The following VAV3 variants were observed in gnomAD, a reference collection of about 807,000 sequenced individuals.
VAV3 encodes the protein guanine nucleotide exchange factor VAV3.
VAV3 carries 94 observed loss-of-function variants against 131.2 expected under a neutral mutation model. That is an observed-to-expected ratio of 0.72 (90% CI 0.61 to 0.85). The LOEUF (loss-of-function observed/expected upper bound fraction) is 0.85, where lower values mean the gene tolerates loss of function less well. Among genes scored for constraint, VAV3 ranks in the 40% least tolerant of loss-of-function variants. The pLI, the probability that VAV3 is intolerant of heterozygous loss-of-function variation, is 0.00. For synonymous variants in VAV3, 349 were observed against 342.0 expected, an observed-to-expected ratio of 1.02 and a Z score of -0.22; for missense variants, 939 against 1,002.7, an observed-to-expected ratio of 0.94 and a Z score of 0.86.
chr1:107,902,448 G>T (rs1671905576), intron 1 of VAV3, among the ~76,000 whole-genome samples: 1 of 152,048 alleles, frequency 6.6e-6, no homozygotes, highest in African/African-American at 2.4e-5. Flanking sequence ...TCACATTCTG[G>T]AAGAATAACG....
Position 107,596,348 on chromosome 1 carries a change from A to T in VAV3, c.2221-7T>A, listed in dbSNP as rs1406630845. Reference sequence around the variant, plus strand: ...TGTAGTACTCCACAAGTTCCTTTGGAAAAAAGAATCCAACATATTTTTGAT... The same window carrying T: ...TGTAGTACTCCACAAGTTCCTTTGGTAAAAAGAATCCAACATATTTTTGAT... On this transcript the variant is annotated splice_region_variant and splice_polypyrimidine_tract_variant and intron_variant, in intron 24 of 26. Transcript: ENST00000370056. The T allele has an allele frequency of 1.9e-6, 3 of 1,610,040 alleles. No homozygotes were observed. The East Asian group carries it at 6.7e-5, about 36-fold the overall frequency.
chr1:107,869,694 G>T (rs1048179302), intron 2 of VAV3, among the ~76,000 whole-genome samples: 1 of 152,112 alleles, frequency 6.6e-6, no homozygotes, highest in African/African-American at 2.4e-5. Context: ...GGTGGTATTT[G>T]GTTACATGAG....
chr1:107,800,515 T>G (rs1442852344), intron 2 of VAV3, among the ~76,000 whole-genome samples: 3 of 152,156 alleles, frequency 2.0e-5, no homozygotes, highest in Admixed American at 6.5e-5. Flanking sequence ...TACTCAGATA[T>G]TCTACCTATT....
chr1:107,774,839 T>C (rs950452170), intron 4 of VAV3, among the ~76,000 whole-genome samples: 1 of 151,904 alleles, frequency 6.6e-6, no homozygotes, highest in African/African-American at 2.4e-5. Context: ...ATAGAAATTG[T>C]AATAAAGCTG....
intron 15 of VAV3, among the ~76,000 whole-genome samples, chr1:107,730,882 G>A (rs1235693488): frequency 6.6e-6 from 1 of 152,096 alleles, no homozygotes; most frequent in African/African-American, 2.4e-5. Context: ...CATGGTATGA[G>A]AGAAAAAGCC....
At chr1:107,949,115 T>C (rs1216962420) in intron 1 of VAV3, among the ~76,000 whole-genome samples, 1 of 152,174 alleles carries the variant, frequency 6.6e-6, no homozygotes, top group Non-Finnish European at 1.5e-5. Context: ...ATTAGAATAG[T>C]GTATTAATTA....
intron 22 of VAV3, among the ~76,000 whole-genome samples, chr1:107,606,456 G>A (rs1652273284): frequency 6.6e-6 from 1 of 151,960 alleles, no homozygotes; most frequent in Admixed American, 6.6e-5. Flanking sequence ...TCTTCAATTT[G>A]GAGCCACATG....
intron 2 of VAV3, among the ~76,000 whole-genome samples, chr1:107,811,690 A>T (rs902909284): frequency 3.3e-5 from 5 of 152,202 alleles, no homozygotes; most frequent in African/African-American, 1.2e-4. Flanking sequence ...TAATAAACAA[A>T]AGTAAACATA....
intron 2 of VAV3, among the ~76,000 whole-genome samples, chr1:107,814,550 A>G (rs1427587737): frequency 1.3e-5 from 2 of 152,190 alleles, no homozygotes; most frequent in Non-Finnish European, 2.9e-5. Context: ...GAATGAATAT[A>G]TATTTTGCAA....
At chr1:107,584,943 G>A (rs1400824375) in intron 25 of VAV3, among the ~76,000 whole-genome samples, 1 of 152,162 alleles carries the variant, frequency 6.6e-6, no homozygotes, top group Non-Finnish European at 1.5e-5. Context: ...ATGTGCCAAA[G>A]ACTGCTAAGA....
chr1:107,656,739 AAAAAT>A (rs1656591867), intron 19 of VAV3, among the ~76,000 whole-genome samples: 1 of 152,096 alleles, frequency 6.6e-6, no homozygotes, highest in Non-Finnish European at 1.5e-5. Flanking sequence ...ATATATCAAT[AAAAAT>A]AAAAATATAA....
chr1:107,720,075 G>A (rs1001786012), intron 15 of VAV3, among the ~76,000 whole-genome samples: 9 of 152,122 alleles, frequency 5.9e-5, no homozygotes, highest in African/African-American at 2.2e-4. Context: ...CGGGGGAATG[G>A]GGCAGGGATA....
rs535568395 is a variant in VAV3 at position 107,949,544 on chromosome 1, C to T, written c.204+15122G>A. Among the ~76,000 whole-genome samples, 33 of 152,230 alleles carry T rather than the reference C, an allele frequency of 2.2e-4. 1 individual carries two copies. In the South Asian group the frequency reaches 6.4e-3, roughly 30 times the overall value. On this transcript the variant is annotated intron_variant, in intron 1 of 26. Coordinates refer to ENST00000370056, the MANE Select transcript of VAV3 (RefSeq NM_006113.5). ...CTGGTCTTCAATTCCTGGGCCCAAA[C>T]AATCCTCCCACCTTAGCCTCCCAAA...
chr1:107,926,259 T>A (rs1571150580), intron 1 of VAV3, among the ~76,000 whole-genome samples: 1 of 151,874 alleles, frequency 6.6e-6, no homozygotes, highest in Non-Finnish European at 1.5e-5. Flanking sequence ...CCAGTCTGGG[T>A]GGCAGAACGA....
intron 1 of VAV3, among the ~76,000 whole-genome samples, chr1:107,930,136 C>A (rs1046253903): frequency 6.6e-6 from 1 of 151,656 alleles, no homozygotes; most frequent in Non-Finnish European, 1.5e-5. Context: ...AACAGGGTGA[C>A]TGTAGTAAAA....
chr1:107,689,124 G>C (rs1477187209), intron 17 of VAV3, among the ~76,000 whole-genome samples: 1 of 152,134 alleles, frequency 6.6e-6, no homozygotes, highest in African/African-American at 2.4e-5. Flanking sequence ...CTGGGGATAA[G>C]GGCGCACACG....
At chr1:107,604,810 T>C (rs1304111420) in intron 22 of VAV3, among the ~76,000 whole-genome samples, 2 of 152,232 alleles carry the variant, frequency 1.3e-5, no homozygotes, top group Non-Finnish European at 2.9e-5. Flanking sequence ...CACATTATAA[T>C]AATGAAAAAG....
At chr1:107,744,154 C>G (rs1663186496) in intron 15 of VAV3, among the ~76,000 whole-genome samples, 1 of 152,186 alleles carries the variant, frequency 6.6e-6, no homozygotes, top group Non-Finnish European at 1.5e-5. Flanking sequence ...CCCAGAGTCC[C>G]TCCAGAGCTC....
chr1:107,765,264 A>G, intron 8 of VAV3, 89 bp from the exon 9 acceptor site: 1 of 1,047,872 alleles, frequency 9.5e-7, no homozygotes, highest in South Asian at 1.3e-5. Flanking sequence ...TCTCTTTAAA[A>G]CCATTGTTAG....
Sources: gnomAD v4.1 joint callset for allele counts (sites outside exome capture counted in the v4.1 genomes callset) on GRCh38, gnomAD v4.1.1 for gene constraint, MANE v1.5 for transcripts, NCBI Gene and HGNC (gene_info 2026-07-23, HGNC 2026-07-21) for gene names.